The following PATJ variants were observed in gnomAD, a reference collection of about 807,000 sequenced individuals.
The protein encoded by PATJ is inaD-like protein.
In PATJ, 190 loss-of-function variants were observed where a neutral mutation model predicts 224.9. The observed-to-expected ratio is 0.84, with a 90% confidence interval of 0.75 to 0.95. The LOEUF (loss-of-function observed/expected upper bound fraction) is 0.95, where lower values mean the gene tolerates loss of function less well. Among genes scored for constraint, PATJ ranks in the 40% least tolerant of loss-of-function variants. PATJ has a pLI of 0.00. For missense variants in PATJ, 2,121 were observed against 2,270.3 expected, an observed-to-expected ratio of 0.93 and a Z score of 1.34; for synonymous variants, 769 against 820.3, an observed-to-expected ratio of 0.94 and a Z score of 1.07.
At chr1:62,160,381 T>C (rs1376632129) in intron 43 of PATJ, among the ~76,000 whole-genome samples, 1 of 152,204 alleles carries the variant, frequency 6.6e-6, no homozygotes, top group African/African-American at 2.4e-5. Flanking sequence ...CTCGTATATA[T>C]TTATATGTAG....
intron 1 of PATJ, among the ~76,000 whole-genome samples, chr1:61,752,311 C>CTTTTTTTT (rs370759266): frequency 3.2e-5 from 4 of 124,016 alleles, no homozygotes; most frequent in South Asian, 2.5e-4. Flanking sequence ...TCATTTCTTT[C>CTTTTTTTT]TTTTTTTTTT....
intron 31 of PATJ, among the ~76,000 whole-genome samples, chr1:62,064,810 G>T (rs1338580170): frequency 1.3e-5 from 2 of 152,132 alleles, no homozygotes; most frequent in African/African-American, 4.8e-5. Flanking sequence ...CCCCCAATTT[G>T]CACTCTATCA....
At chr1:61,880,864 C>T (rs566321515) in intron 21 of PATJ, among the ~76,000 whole-genome samples, 5 of 152,268 alleles carry the variant, frequency 3.3e-5, no homozygotes, top group Admixed American at 6.5e-5. Flanking sequence ...GAGGCCAAGG[C>T]GGGCAGATCA....
intron 27 of PATJ, among the ~76,000 whole-genome samples, chr1:61,966,522 C>T (rs754809595): frequency 1.3e-5 from 2 of 151,910 alleles, no homozygotes; most frequent in African/African-American, 2.4e-5. Flanking sequence ...TCCATCTCTA[C>T]CAAAAATACA....
In PATJ at chr1:62,065,169, T is replaced by C. The variant is rs1200298964; in HGVS notation, c.4125+14111T>C. On this transcript the variant is annotated intron_variant, in intron 31 of 43. Coordinates refer to ENST00000642238, the MANE Select transcript of PATJ (RefSeq NM_001350145.3). The stretch of plus-strand genomic sequence containing the variant: ...GTCAAGTCTACTTCCTTCAGGAAAG[T>C]CTCTGGAGAAAAGCTTTTGTTTTTT... Among the ~76,000 whole-genome samples the C allele has an allele frequency of 3.9e-5, 6 of 152,224 alleles. No individual in the cohort carries two copies. In the East Asian group the frequency reaches 1.2e-3, roughly 29 times the overall value.
rs148645434 is a variant in PATJ at position 61,750,731 on chromosome 1, C to T, written c.-36+8176C>T. On this transcript the variant is annotated intron_variant, in intron 1 of 43. Transcript: ENST00000642238. ...GCTGGGATACAAGCATGAGCCACCA[C>T]GCCCGACCCATTTTTCGGCGCTTGT... 7.4e-3 allele frequency among the ~76,000 whole-genome samples: 1,118 copies of T among 152,042 alleles called. 21 individuals are homozygous for T. The highest frequency in any genetic ancestry group is 0.025 in the African/African-American group (1,055 of 41,460).
At chr1:61,834,378 GTATT>G (rs1257359572) in intron 17 of PATJ, among the ~76,000 whole-genome samples, 3 of 152,244 alleles carry the variant, frequency 2.0e-5, no homozygotes, top group South Asian at 2.1e-4. Flanking sequence ...TAATATCTAT[GTATT>G]TATTTATAGC....
chr1:62,060,460 A>G (rs1655240510), intron 31 of PATJ, among the ~76,000 whole-genome samples: 1 of 151,986 alleles, frequency 6.6e-6, no homozygotes, highest in Non-Finnish European at 1.5e-5. Flanking sequence ...CTCAAACTCC[A>G]GGGCTCAAGC....
chr1:61,773,646 G>C (rs1646742623), intron 6 of PATJ, among the ~76,000 whole-genome samples: 1 of 151,986 alleles, frequency 6.6e-6, no homozygotes, highest in African/African-American at 2.4e-5. Context: ...AACTAGCCAA[G>C]CGTGGTGGTG....
chr1:61,871,540 T>TAC, intron 20 of PATJ, among the ~76,000 whole-genome samples: 1 of 36,710 alleles, frequency 2.7e-5, no homozygotes, highest in African/African-American at 8.4e-5. Context: ...TGTGTGTGTG[T>TAC]ATATATATAT....
chr1:61,876,452 G>A (rs905877855), intron 21 of PATJ, among the ~76,000 whole-genome samples: 4 of 151,698 alleles, frequency 2.6e-5, no homozygotes, highest in African/African-American at 9.7e-5. Context: ...TAGCACAAAT[G>A]TTTGAGTAAA....
intron 27 of PATJ, among the ~76,000 whole-genome samples, chr1:61,981,452 C>T (rs1215364051): frequency 1.3e-5 from 2 of 151,920 alleles, no homozygotes; most frequent in African/African-American, 4.8e-5. Flanking sequence ...AGGTTCATGG[C>T]TGAGACCCTT....
At position 61,827,282 on chromosome 1, in the gene PATJ, A is replaced by G. The variant is rs761484770; in HGVS notation, c.1819-140A>G. ...TGCATATTATTTAATCATAAATAAT[A>G]TGATGAAAGCGAGGCCCCTTGTTTA... On this transcript the variant is annotated intron_variant, in intron 15 of 43. Transcript: ENST00000642238. 1.4e-3 allele frequency: 858 copies of G among 630,798 alleles called. 1 individual carries two copies. Among genetic ancestry groups the G allele is most frequent in the Non-Finnish European group, 1.8e-3 (683 of 379,394 alleles). 39.1% of individuals were successfully genotyped at this position (630,798 alleles called of 1,614,324 possible).
chr1:61,967,116 G>T (rs571522223), intron 27 of PATJ, among the ~76,000 whole-genome samples: 12 of 152,214 alleles, frequency 7.9e-5, no homozygotes, highest in East Asian at 7.7e-4. Flanking sequence ...GAGTTGCTCT[G>T]GTTCAAACAC....
rs369083961 is a variant in PATJ, at chr1:62,108,462, A to G, written c.4403A>G (p.Tyr1468Cys). ...PLNAIVIHEVYEEGAAARDGR... is the reference protein window; with the variant it reads ...PLNAIVIHEVCEEGAAARDGR... ...AATGCTATAGTTATCCATGAAGTCT[A>G]TGAAGAAGGGGCAGCAGCCAGAGAT... The change falls in exon 34 of 44, where the codon TAT (tyrosine) becomes TGT (cysteine). Residue 1468 changes from tyrosine to cysteine, a missense_variant. Physicochemically the swap from Tyr to Cys is radical, Grantham distance 194. Transcript: ENST00000642238. 39 of 1,609,584 alleles carry G rather than the reference A, an allele frequency of 2.4e-5. No homozygotes were observed. The highest frequency in any genetic ancestry group is 5.3e-5 in the African/African-American group (4 of 74,854).
intron 1 of PATJ, among the ~76,000 whole-genome samples, chr1:61,758,375 T>A (rs1645770365): frequency 6.6e-6 from 1 of 152,136 alleles, no homozygotes; most frequent in Non-Finnish European, 1.5e-5. Flanking sequence ...TGAGATGAAG[T>A]TTTGCTCTTG....
intron 16 of PATJ, among the ~76,000 whole-genome samples, chr1:61,831,187 CAAAAAAA>C (rs545292546): frequency 3.1e-5 from 2 of 65,284 alleles, no homozygotes; most frequent in African/African-American, 5.3e-5. Flanking sequence ...GACTCTGTCT[CAAAAAAA>C]AAAAAAAAAA....
chr1:62,099,216 G>C (rs1295364370), intron 33 of PATJ, among the ~76,000 whole-genome samples: 3 of 152,088 alleles, frequency 2.0e-5, no homozygotes, highest in Non-Finnish European at 4.4e-5. Flanking sequence ...TCTGAACAGG[G>C]ACAGCCATAG....
Position 61,916,827 on chromosome 1 carries a change from C to G in PATJ, c.3570+2163C>G, listed in dbSNP as rs1045571067. On this transcript the variant is annotated intron_variant, in intron 26 of 43. Coordinates refer to ENST00000642238, the MANE Select transcript of PATJ (RefSeq NM_001350145.3). The stretch of plus-strand genomic sequence containing the variant: ...TTTTGGGGGTAGGGAATGGGGAATG[C>G]TGATTAGTTTGGTTGGTGATGAAAT... Among the ~76,000 whole-genome samples the G allele has an allele frequency of 9.2e-5, 14 of 152,144 alleles. 1 individual carries two copies. Among genetic ancestry groups the G allele is most frequent in the Admixed American group, 6.6e-5 (1 of 15,260 alleles).
Sources: allele counts gnomAD v4.1 joint callset (sites outside exome capture counted in the v4.1 genomes callset), GRCh38; gene constraint gnomAD v4.1.1; transcripts MANE v1.5; gene names NCBI Gene and HGNC (gene_info 2026-07-23, HGNC 2026-07-21).